WDR41: variants seen among roughly 807,000 people sequenced by gnomAD.
WDR41 encodes WD repeat domain 41, also known as WD repeat-containing protein 41.
A neutral mutation model predicts 69.3 loss-of-function variants in WDR41; 63 were observed. The ratio of observed to expected loss-of-function variants is 0.91; its 90% CI spans 0.74 to 1.12. WDR41 has a LOEUF of 1.12. Ranked by LOEUF, WDR41 falls within the 50% of genes most tolerant of loss-of-function variation. The pLI is 0.00. For missense variants in WDR41, 543 were observed against 534.5 expected (o/e 1.02, Z -0.16); for synonymous variants, 185 against 192.1 (o/e 0.96, Z 0.31).
At chr5:77,576,532 A>G (rs1276629309) in intron 1 of WDR41, among the ~76,000 whole-genome samples, 2 of 151,796 alleles carry the variant, frequency 1.3e-5, no homozygotes, top group South Asian at 2.1e-4. Context: ...CAGGTCTCTT[A>G]CTCATTTATT....
chr5:77,455,776 T>TG (rs1799805747), intron 5 of WDR41, among the ~76,000 whole-genome samples: 2 of 152,310 alleles, frequency 1.3e-5, no homozygotes. Context: ...ACTTTACTTC[T>TG]GGGCCTTTAA....
intron 5 of WDR41, among the ~76,000 whole-genome samples, chr5:77,456,847 A>G (rs1799853789): frequency 6.6e-6 from 1 of 152,054 alleles, no homozygotes; most frequent in African/African-American, 2.4e-5. Flanking sequence ...GATTACAGAC[A>G]TGTGCCACCA....
upstream of WDR41, chr5:77,492,517 C>G (rs1801859857): frequency 1.1e-5 from 4 of 367,820 alleles, no homozygotes; most frequent in Admixed American, 1.4e-4. Flanking sequence ...TGAGCACGCG[C>G]GGGAGCGCCG....
intron 8 of WDR41, among the ~76,000 whole-genome samples, chr5:77,443,273 C>T (rs1325606892): frequency 6.6e-6 from 1 of 152,076 alleles, no homozygotes; most frequent in Non-Finnish European, 1.5e-5. Context: ...CCACATTAAT[C>T]GTATTAAAAC....
intron 1 of WDR41, among the ~76,000 whole-genome samples, chr5:77,610,923 A>C (rs1406682260): frequency 2.6e-5 from 4 of 151,996 alleles, no homozygotes; most frequent in Non-Finnish European, 4.4e-5. Context: ...CTCACGTGCA[A>C]AGACACACAT....
chr5:77,510,802 C>T (rs531963233), intron 1 of WDR41, among the ~76,000 whole-genome samples: 2 of 129,850 alleles, frequency 1.5e-5, no homozygotes, highest in African/African-American at 5.9e-5. Flanking sequence ...GATGGAGTCT[C>T]ACTCCATCTC....
chr5:77,503,613 C>G (rs188191014), intron 1 of WDR41, among the ~76,000 whole-genome samples: 2 of 152,200 alleles, frequency 1.3e-5, no homozygotes, highest in African/African-American at 4.8e-5. Context: ...TAAAATTGAC[C>G]ACATAATTGG....
At position 77,453,861 on chromosome 5, in the gene WDR41, C is replaced by T. The variant is rs142220036; in HGVS notation, c.479G>A (p.Arg160Gln). The T allele has an allele frequency of 2.1e-5, 34 of 1,613,932 alleles. No homozygotes were observed. The highest frequency in any genetic ancestry group is 2.5e-5 in the Non-Finnish European group (30 of 1,179,990). The change falls in exon 6 of 13, where the codon CGA becomes CAA. Residue 160 changes from arginine (R) to glutamine (Q), a missense_variant. Physicochemically the swap from Arg to Gln is conservative, Grantham distance 43. Coordinates refer to ENST00000296679, the MANE Select transcript of WDR41 (RefSeq NM_018268.4). ...AGTCTTACACAGGAGATCTAATTTT[C>T]GGTTCCACACACACAGGTCATTCCC... ...SGGNDLCVWN[R>Q]KLDLLCKTSH...
At chr5:77,467,516 G>A (rs1229876433) in intron 2 of WDR41, among the ~76,000 whole-genome samples, 1 of 151,886 alleles carries the variant, frequency 6.6e-6, no homozygotes, top group Non-Finnish European at 1.5e-5. Flanking sequence ...AATTACAATT[G>A]AAACACACAA....
chr5:77,560,644 G>A lies in WDR41; in HGVS notation c.42+59835C>T, dbSNP rs1457452065. Among the ~76,000 whole-genome samples, 7 of 152,044 alleles carry A rather than the reference G, an allele frequency of 4.6e-5. No individual in the cohort carries two copies. In the South Asian group the frequency reaches 1.0e-3, roughly 22 times the overall value. ...CAAAAAGAAAAAAAAAGTCCTTTGC[G>A]CCGATTTCTTTTCAAGGTTTTCCTG... On this transcript the variant is annotated intron_variant, in intron 1 of 5. Transcript: ENST00000509971.
chr5:77,599,389 G>A (rs931181377), intron 1 of WDR41, among the ~76,000 whole-genome samples: 4 of 151,834 alleles, frequency 2.6e-5, no homozygotes, highest in African/African-American at 9.7e-5. Context: ...TAGTAGAGAC[G>A]GGGTTTCACC....
intron 1 of WDR41, among the ~76,000 whole-genome samples, chr5:77,554,204 C>T (rs1297396131): frequency 6.6e-6 from 1 of 152,126 alleles, no homozygotes; most frequent in African/African-American, 2.4e-5. Flanking sequence ...TTATTCCATG[C>T]ATATAAAATT....
intron 12 of WDR41, among the ~76,000 whole-genome samples, chr5:77,433,696 G>A (rs335629): frequency 0.53 from 80,741 of 152,094 alleles, 21,687 homozygotes; most frequent in African/African-American, 0.6. Context: ...ATCCATAGGT[G>A]TTAAGTGTCA....
intron 1 of WDR41, among the ~76,000 whole-genome samples, chr5:77,566,756 ACTT>A (rs1374250837): frequency 2.0e-5 from 3 of 152,142 alleles, no homozygotes; most frequent in Non-Finnish European, 4.4e-5. Context: ...TATGTTGCCC[ACTT>A]CTTCGGACAC....
At chr5:77,558,198 A>G (rs954401336) in intron 1 of WDR41, among the ~76,000 whole-genome samples, 1 of 151,914 alleles carries the variant, frequency 6.6e-6, no homozygotes, top group Non-Finnish European at 1.5e-5. Context: ...ATTTAACTTT[A>G]AAAAACAATT....
At chr5:77,576,866 G>A (rs1285432503) in intron 1 of WDR41, among the ~76,000 whole-genome samples, 1 of 152,142 alleles carries the variant, frequency 6.6e-6, no homozygotes, top group Non-Finnish European at 1.5e-5. Flanking sequence ...AAATTTGAGA[G>A]TCATATTAAA....
At chr5:77,510,554 C>CT (rs539706927) in intron 1 of WDR41, among the ~76,000 whole-genome samples, 76 of 152,112 alleles carry the variant, frequency 5.0e-4, no homozygotes, top group Non-Finnish European at 1.0e-3. Context: ...ATAGTGTCTG[C>CT]TACACACTTG....
intron 1 of WDR41, among the ~76,000 whole-genome samples, chr5:77,515,409 AC>A (rs1215491734): frequency 6.6e-6 from 1 of 152,176 alleles, no homozygotes; most frequent in Non-Finnish European, 1.5e-5. Context: ...CACATATGAA[AC>A]TGTCATCTAT....
upstream of WDR41, among the ~76,000 whole-genome samples, chr5:77,496,789 T>A (rs979898392): frequency 4.1e-4 from 62 of 151,868 alleles, no homozygotes; most frequent in African/African-American, 1.5e-3. Context: ...TTGCAAGGGG[T>A]CCCAAATAGC....
Sources: gnomAD v4.1 joint callset for allele counts (sites outside exome capture counted in the v4.1 genomes callset) on GRCh38, gnomAD v4.1.1 for gene constraint, MANE v1.5 for transcripts, NCBI Gene and HGNC (gene_info 2026-07-23, HGNC 2026-07-21) for gene names.